The following GAS7 variants were observed in gnomAD, a reference collection of about 807,000 sequenced individuals.
The protein encoded by GAS7 is growth arrest specific 7.
In GAS7, 28 loss-of-function variants were observed where a neutral mutation model predicts 71.1. That is an observed-to-expected ratio of 0.39 (90% CI 0.29 to 0.54). The LOEUF is 0.54. Among genes scored for constraint, GAS7 ranks in the 20% least tolerant of loss-of-function variants. The pLI is 0.62. For synonymous variants in GAS7, 258 were observed against 245.8 expected (o/e 1.05, Z -0.46); for missense variants, 436 against 627.8 (o/e 0.69, Z 3.27).
intron 1 of GAS7, among the ~76,000 whole-genome samples, chr17:10,164,033 C>T (rs2074274870): frequency 6.6e-6 from 1 of 152,190 alleles, no homozygotes; most frequent in African/African-American, 2.4e-5. Flanking sequence ...CAGTTTCTCA[C>T]CTTTGACTGC....
chr17:9,988,778 G>A (rs1163394319), intron 2 of GAS7, among the ~76,000 whole-genome samples: 1 of 151,366 alleles, frequency 6.6e-6, no homozygotes, highest in Non-Finnish European at 1.5e-5. Context: ...GCCTGGTCAC[G>A]CCAAGCCCCT....
intron 7 of GAS7, among the ~76,000 whole-genome samples, chr17:9,942,117 G>A (rs529606803): frequency 2.6e-4 from 40 of 152,186 alleles, no homozygotes; most frequent in Admixed American, 8.5e-4. Flanking sequence ...AGCTGGGCGT[G>A]GTGGTACATG....
At chr17:10,079,832 A>G (rs1316866318) in intron 1 of GAS7, among the ~76,000 whole-genome samples, 1 of 152,240 alleles carries the variant, frequency 6.6e-6, no homozygotes, top group Non-Finnish European at 1.5e-5. Flanking sequence ...CACTCTTTTC[A>G]TTGACAACAT....
In GAS7 at chr17:10,034,026, C is replaced by G; in HGVS notation, c.184-14129G>C. The G allele has an allele frequency of 3.0e-6, 2 of 666,818 alleles. No individual in the cohort carries two copies. The highest frequency in any genetic ancestry group is 3.7e-6 in the Non-Finnish European group (2 of 538,908). The allele number at this position is 666,818 out of a possible 1,614,324, so 41.3% of individuals were successfully genotyped here. A position where few individuals can be genotyped will look rare whatever the true frequency, so the allele number is the denominator to read the frequency against. On this transcript the variant is annotated intron_variant, in intron 1 of 13. Coordinates refer to ENST00000432992, the MANE Select transcript of GAS7 (RefSeq NM_201433.2). This position sits in a 1 kb window ranked among gnomAD's most constrained non-coding sequence, Gnocchi z 4.4. ...ATTCTCACCAACCCGATTCAACTAA[C>G]ATTTCTGGAGCTGCTGCCGCTGGCA...
chr17:10,132,100 G>C (rs1171551104), intron 1 of GAS7, among the ~76,000 whole-genome samples: 3 of 152,204 alleles, frequency 2.0e-5, no homozygotes, highest in Non-Finnish European at 2.9e-5. Flanking sequence ...GTATGAAAAT[G>C]TACTCAATGA....
At chr17:10,004,646 C>T (rs62065809) in intron 2 of GAS7, among the ~76,000 whole-genome samples, 20,238 of 152,226 alleles carry the variant, frequency 0.13, 1,764 homozygotes, top group African/African-American at 0.24. Context: ...ACTAATAAGT[C>T]TGCTCGCCCT....
chr17:10,154,634 G>A (rs2074191076), intron 1 of GAS7, among the ~76,000 whole-genome samples: 1 of 152,126 alleles, frequency 6.6e-6, no homozygotes, highest in Admixed American at 6.5e-5. Context: ...GCAGTATAGT[G>A]AGACTGCCGC....
intron 1 of GAS7, among the ~76,000 whole-genome samples, chr17:10,182,285 G>A (rs564365826): frequency 4.6e-5 from 7 of 152,052 alleles, no homozygotes; most frequent in Admixed American, 6.6e-5. Flanking sequence ...TCAGCCTCCC[G>A]AGTAGCTGGG....
At chr17:9,975,469 CTTCGG>C (rs2070154785) in intron 3 of GAS7, among the ~76,000 whole-genome samples, 1 of 111,502 alleles carries the variant, frequency 9.0e-6, no homozygotes, top group African/African-American at 4.8e-5. Flanking sequence ...CCTCCCTTCC[CTTCGG>C]GCTTCTTTTT....
At chr17:10,102,073 C>T (rs1014472092) in intron 1 of GAS7, among the ~76,000 whole-genome samples, 1 of 151,822 alleles carries the variant, frequency 6.6e-6, no homozygotes, top group Admixed American at 6.6e-5. Flanking sequence ...TTGTTTAGCT[C>T]AGAGATTGTG....
intron 1 of GAS7, among the ~76,000 whole-genome samples, chr17:10,102,475 G>A (rs62066666): frequency 0.11 from 17,286 of 152,080 alleles, 1,051 homozygotes; most frequent in Non-Finnish European, 0.13. Flanking sequence ...ACTACGCAAG[G>A]TTGGGCAGCT....
intron 2 of GAS7, 133 bp downstream of exon 2, chr17:10,019,644 G>A: frequency 3.6e-6 from 3 of 835,420 alleles, no homozygotes; most frequent in Non-Finnish European, 5.6e-6. Context: ...AGACTTTACT[G>A]TAGCCCCTGA....
intron 2 of GAS7, among the ~76,000 whole-genome samples, chr17:10,011,665 G>C (rs192637138): frequency 3.5e-4 from 53 of 152,244 alleles, no homozygotes; most frequent in Admixed American, 2.1e-3. Context: ...GCTTTATAGT[G>C]GGGGAGAAAG....
intron 1 of GAS7, among the ~76,000 whole-genome samples, chr17:10,140,805 G>A (rs1362187894): frequency 6.6e-6 from 1 of 152,204 alleles, no homozygotes; most frequent in African/African-American, 2.4e-5. Context: ...AAGCCGTGGA[G>A]ACTCAGTCTG....
chr17:10,003,124 G>A (rs569738319), intron 2 of GAS7, among the ~76,000 whole-genome samples: 2 of 152,356 alleles, frequency 1.3e-5, no homozygotes, highest in South Asian at 2.1e-4. Flanking sequence ...GCAGAAGGCT[G>A]GGGCTGGCTG....
chr17:10,107,704 T>C (rs980736718), intron 1 of GAS7, among the ~76,000 whole-genome samples: 5 of 142,138 alleles, frequency 3.5e-5, no homozygotes, highest in Admixed American at 7.0e-5. Context: ...CACAGTCCAG[T>C]GGTGGCAGGC....
At chr17:10,127,789 A>T (rs1292581673) in intron 1 of GAS7, among the ~76,000 whole-genome samples, 2 of 152,112 alleles carry the variant, frequency 1.3e-5, no homozygotes, top group Non-Finnish European at 2.9e-5. Context: ...GGACTAGGAG[A>T]GGAATCTCTG....
intron 1 of GAS7, among the ~76,000 whole-genome samples, chr17:10,062,463 C>T (rs749545965): frequency 2.0e-5 from 3 of 151,952 alleles, no homozygotes; most frequent in East Asian, 3.9e-4. Flanking sequence ...CCAGCCCAGG[C>T]GACAGAGTGA....
intron 1 of GAS7, among the ~76,000 whole-genome samples, chr17:10,128,057 C>A (rs950842118): frequency 2.0e-5 from 3 of 152,192 alleles, no homozygotes; most frequent in Non-Finnish European, 4.4e-5. Flanking sequence ...TCCAGGGAGC[C>A]CAGCCAGGCC....
Sources: gnomAD v4.1 joint callset for allele counts (sites outside exome capture counted in the v4.1 genomes callset) on GRCh38, gnomAD v4.1.1 for gene constraint, Gnocchi (gnomAD v3.1) non-coding constraint, MANE v1.5 for transcripts, NCBI Gene and HGNC (gene_info 2026-07-23, HGNC 2026-07-21) for gene names.